The following KLHDC10 variants were observed in gnomAD, a reference collection of about 807,000 sequenced individuals.
KLHDC10 encodes the protein kelch domain-containing protein 10.
A neutral mutation model predicts 56.1 loss-of-function variants in KLHDC10; 24 were observed. The ratio of observed to expected loss-of-function variants is 0.43; its 90% CI spans 0.31 to 0.60. The LOEUF (loss-of-function observed/expected upper bound fraction) is 0.60, where lower values mean the gene tolerates loss of function less well. KLHDC10 is among the 20% of genes least tolerant of loss of function. KLHDC10 has a pLI of 0.11. For missense variants in KLHDC10, 349 were observed against 567.0 expected (o/e 0.62, Z 3.91); for synonymous variants, 188 against 207.1 (o/e 0.91, Z 0.79).
At chr7:130,074,453 CAT>C in intron 1 of KLHDC10, among the ~76,000 whole-genome samples, 1 of 152,230 alleles carries the variant, frequency 6.6e-6, no homozygotes, top group East Asian at 1.9e-4. Context: ...CATATACACA[CAT>C]ATGCGTATAT....
chr7:130,089,949 T>C (rs1795748039), intron 1 of KLHDC10, among the ~76,000 whole-genome samples: 1 of 151,996 alleles, frequency 6.6e-6, no homozygotes, highest in Non-Finnish European at 1.5e-5. Flanking sequence ...TGGCGCGATC[T>C]TGGCTCACCG....
chr7:130,128,919 T>TATAC (rs1292651924), intron 8 of KLHDC10, among the ~76,000 whole-genome samples: 68 of 115,674 alleles, frequency 5.9e-4, no homozygotes, highest in African/African-American at 9.1e-4. Flanking sequence ...TATATATATA[T>TATAC]ACATACTAGC....
chr7:130,104,526 G>T (rs1402306484), intron 2 of KLHDC10, among the ~76,000 whole-genome samples: 2 of 152,212 alleles, frequency 1.3e-5, no homozygotes, highest in Non-Finnish European at 2.9e-5. Flanking sequence ...GAGAATGTAT[G>T]TAAGAGGCTT....
chr7:130,101,745 C>T (rs1392763181), intron 2 of KLHDC10, among the ~76,000 whole-genome samples: 4 of 151,934 alleles, frequency 2.6e-5, no homozygotes, highest in Admixed American at 6.6e-5. Context: ...CTGAAGTGGG[C>T]AGATCACGAG....
intron 1 of KLHDC10, among the ~76,000 whole-genome samples, chr7:130,085,939 G>T (rs781380376): frequency 6.6e-5 from 10 of 151,960 alleles, no homozygotes; most frequent in Non-Finnish European, 1.5e-4. Context: ...GGTATAGTAG[G>T]CCTTTGTGGG....
chr7:130,124,686 G>T, intron 6 of KLHDC10, 151 bp downstream of exon 6: 1 of 530,844 alleles, frequency 1.9e-6, no homozygotes, highest in Non-Finnish European at 3.4e-6. Context: ...CACTTTATAA[G>T]GTCGAACCCT....
At chr7:130,114,608 G>A (rs1440094405) in intron 2 of KLHDC10, among the ~76,000 whole-genome samples, 2 of 152,086 alleles carry the variant, frequency 1.3e-5, no homozygotes, top group Admixed American at 1.3e-4. Flanking sequence ...CCTAAAAAGA[G>A]GAACTGAGTT....
At position 130,125,846 on chromosome 7, in the gene KLHDC10, G is replaced by A. The variant is rs1226691276; in HGVS notation, c.865-19G>A. ...TACAATTATTTATGTATGTGTATAT[G>A]TTCTTTTTTTTCTCCAAGATCCATG... On this transcript the variant is annotated intron_variant, in intron 6 of 9. Transcript: ENST00000335420. 5 of 1,574,374 alleles carry A rather than the reference G, an allele frequency of 3.2e-6. No homozygotes were observed. Among genetic ancestry groups the A allele is most frequent in the Non-Finnish European group, 3.4e-6 (4 of 1,160,518 alleles).
chr7:130,125,121 A>C (rs11766167), intron 6 of KLHDC10, among the ~76,000 whole-genome samples: 2 of 152,038 alleles, frequency 1.3e-5, no homozygotes, highest in Non-Finnish European at 2.9e-5. Flanking sequence ...GCTTTTTTCT[A>C]TTATAAAAAT....
intron 8 of KLHDC10, among the ~76,000 whole-genome samples, chr7:130,128,889 A>AAAATATATATATATAT: frequency 9.0e-5 from 6 of 66,950 alleles, no homozygotes; most frequent in Non-Finnish European, 8.3e-5. Context: ...AAAAAAAAAA[A>AAAATATATATATATAT]ATATATATAT....
intron 1 of KLHDC10, among the ~76,000 whole-genome samples, chr7:130,081,167 T>A (rs1795601331): frequency 6.6e-6 from 1 of 151,616 alleles, no homozygotes; most frequent in South Asian, 2.1e-4. Flanking sequence ...CCCGGCTAAT[T>A]TTTTGTATTT....
chr7:130,112,597 A>T (rs1796116224), intron 2 of KLHDC10, among the ~76,000 whole-genome samples: 1 of 152,220 alleles, frequency 6.6e-6, no homozygotes, highest in Non-Finnish European at 1.5e-5. Flanking sequence ...AGTTTTGTCA[A>T]GGTTGAGGAC....
intron 1 of KLHDC10, among the ~76,000 whole-genome samples, chr7:130,084,438 A>G (rs578179600): frequency 3.6e-4 from 55 of 152,276 alleles, no homozygotes; most frequent in Admixed American, 1.2e-3. Context: ...TAGCATTAAT[A>G]GGATTTGCTA....
chr7:130,094,716 T>C (rs1795825398), intron 1 of KLHDC10, among the ~76,000 whole-genome samples: 1 of 152,204 alleles, frequency 6.6e-6, no homozygotes. Context: ...AATAGTTTTG[T>C]ATATACTCTT....
chr7:130,103,945 G>A (rs569082061), intron 2 of KLHDC10, among the ~76,000 whole-genome samples: 4 of 151,956 alleles, frequency 2.6e-5, no homozygotes, highest in South Asian at 2.1e-4. Context: ...AAAATTAGCC[G>A]GGCATGGTGG....
intron 2 of KLHDC10, among the ~76,000 whole-genome samples, chr7:130,102,939 TA>T (rs1432766033): frequency 6.6e-6 from 1 of 152,196 alleles, no homozygotes; most frequent in African/African-American, 2.4e-5. Context: ...GTTGGAGGGT[TA>T]AACAATACAC....
At chr7:130,108,373 G>A (rs1304979418) in intron 2 of KLHDC10, among the ~76,000 whole-genome samples, 4 of 151,936 alleles carry the variant, frequency 2.6e-5, no homozygotes, top group African/African-American at 4.8e-5. Flanking sequence ...TAGAACTTCC[G>A]GTTTAATTGC....
chr7:130,128,889 A>AAAAAAAAAATATATATATATATAT, intron 8 of KLHDC10, among the ~76,000 whole-genome samples: 11 of 66,938 alleles, frequency 1.6e-4, no homozygotes, highest in South Asian at 5.5e-4. Context: ...AAAAAAAAAA[A>AAAAAAAAAATATATATATATATAT]ATATATATAT....
intron 1 of KLHDC10, among the ~76,000 whole-genome samples, chr7:130,083,340 C>T (rs1795635006): frequency 6.6e-6 from 1 of 152,146 alleles, no homozygotes; most frequent in Non-Finnish European, 1.5e-5. Flanking sequence ...ATTCTTCCTC[C>T]TTACCCTCAC....
Sources: gnomAD v4.1 joint callset for allele counts (sites outside exome capture counted in the v4.1 genomes callset) on GRCh38, gnomAD v4.1.1 for gene constraint, MANE v1.5 for transcripts, NCBI Gene and HGNC (gene_info 2026-07-23, HGNC 2026-07-21) for gene names.